Variants in RANBP2 observed in about 807,000 individuals in gnomAD.
RANBP2 encodes RAN binding protein 2, also known as E3 SUMO-protein ligase RanBP2.
RANBP2 carries 57 observed loss-of-function variants against 303.6 expected under a neutral mutation model. The ratio of observed to expected loss-of-function variants is 0.19; its 90% CI spans 0.15 to 0.23. The LOEUF is 0.23. Among genes scored for constraint, RANBP2 ranks in the 10% least tolerant of loss-of-function variants. The pLI, the probability that RANBP2 is intolerant of heterozygous loss-of-function variation, is 1.00. For missense variants in RANBP2, 3,138 were observed against 3,780.8 expected (o/e 0.83, Z 4.46); for synonymous variants, 1,167 against 1,301.5 (o/e 0.90, Z 2.23).
chr2:109,034,119 A>C, the RANBP2 span, among the ~76,000 whole-genome samples: 2 of 150,466 alleles, frequency 1.3e-5, no homozygotes, highest in Non-Finnish European at 3.0e-5. Context: ...AAATACAAAA[A>C]ATTAGCCGGG....
chr2:109,615,960 C>T, the RANBP2 span: 9 of 1,583,152 alleles, frequency 5.7e-6, no homozygotes, highest in Admixed American at 9.0e-5. Context: ...TTTCAGGGAC[C>T]CAGAGCAGCC....
the RANBP2 span, among the ~76,000 whole-genome samples, chr2:109,150,868 A>G: frequency 6.6e-6 from 1 of 152,248 alleles, no homozygotes; most frequent in Non-Finnish European, 1.5e-5. Context: ...AATGTGAAAA[A>G]AAATATGGGC....
At chr2:109,649,957 C>T in the RANBP2 span, among the ~76,000 whole-genome samples, 1 of 152,234 alleles carries the variant, frequency 6.6e-6, no homozygotes, top group African/African-American at 2.4e-5. Context: ...CCCACCCTTA[C>T]TGGCACGTTT....
the RANBP2 span, among the ~76,000 whole-genome samples, chr2:109,511,844 C>T: frequency 3.3e-5 from 5 of 152,198 alleles, no homozygotes; most frequent in Non-Finnish European, 5.9e-5. Flanking sequence ...AGGTGAGGTC[C>T]TGCATCCTGG....
At chr2:109,270,646 A>G in the RANBP2 span, among the ~76,000 whole-genome samples, 1 of 152,186 alleles carries the variant, frequency 6.6e-6, no homozygotes, top group African/African-American at 2.4e-5. Context: ...GGTGCTAAGC[A>G]GAGGTATGAC....
chr2:109,070,604 G>A, the RANBP2 span, among the ~76,000 whole-genome samples: 25 of 152,110 alleles, frequency 1.6e-4, no homozygotes, highest in Non-Finnish European at 3.1e-4. Context: ...TCACGCCTGT[G>A]ATCCCAGCAC....
the RANBP2 span, among the ~76,000 whole-genome samples, chr2:108,918,173 G>A: frequency 6.6e-6 from 1 of 152,312 alleles, no homozygotes; most frequent in Admixed American, 6.5e-5. Flanking sequence ...GGGGTCCACA[G>A]ACAAACCAGG....
At chr2:108,853,970 ATATATAATATATAATATATAATAAATT>A in the RANBP2 span, among the ~76,000 whole-genome samples, 6 of 106,712 alleles carry the variant, frequency 5.6e-5, no homozygotes, top group South Asian at 5.4e-4. Flanking sequence ...ATAATAAAAT[ATATATAATATATAATATATAATAAATT>A]TATATTATAT....
At chr2:109,339,884 C>T in the RANBP2 span, among the ~76,000 whole-genome samples, 2 of 152,140 alleles carry the variant, frequency 1.3e-5, no homozygotes, top group Admixed American at 6.5e-5. Context: ...CATAATTAAA[C>T]AGATAATTAT....
At chr2:109,002,319 C>T in the RANBP2 span, among the ~76,000 whole-genome samples, 1 of 152,210 alleles carries the variant, frequency 6.6e-6, no homozygotes, top group Non-Finnish European at 1.5e-5. Context: ...GATTCCACTT[C>T]CCAGCTTGCT....
At chr2:109,646,616 C>T in the RANBP2 span, among the ~76,000 whole-genome samples, 12 of 151,660 alleles carry the variant, frequency 7.9e-5, no homozygotes, top group East Asian at 9.7e-4. Context: ...ATCAGCCTCC[C>T]GAATAGCTGG....
At chr2:109,778,512 G>A in the RANBP2 span, among the ~76,000 whole-genome samples, 3 of 150,010 alleles carry the variant, frequency 2.0e-5, no homozygotes, top group Admixed American at 1.3e-4. Context: ...CAGAAGACCA[G>A]CTAGAAACAT....
At chr2:108,937,084 C>T in the RANBP2 span, among the ~76,000 whole-genome samples, 3 of 152,242 alleles carry the variant, frequency 2.0e-5, no homozygotes, top group African/African-American at 7.2e-5. Context: ...CAGGCACCGT[C>T]CTTCCCAAGG....
the RANBP2 span, among the ~76,000 whole-genome samples, chr2:109,408,183 G>A: frequency 2.6e-5 from 4 of 152,118 alleles, no homozygotes; most frequent in Admixed American, 6.6e-5. Flanking sequence ...AATGCCCACC[G>A]GTAGGCCCCA....
At chr2:109,659,373 C>T in the RANBP2 span, among the ~76,000 whole-genome samples, 28 of 152,242 alleles carry the variant, frequency 1.8e-4, no homozygotes, top group East Asian at 2.7e-3. Context: ...TTCATCCCCC[C>T]CAAAAACACA....
At chr2:109,301,119 A>G in the RANBP2 span, among the ~76,000 whole-genome samples, 1 of 152,224 alleles carries the variant, frequency 6.6e-6, no homozygotes, top group Non-Finnish European at 1.5e-5. Context: ...TACTGTGGGA[A>G]TAGAAGGCCA....
chr2:109,294,800 C>T, the RANBP2 span, among the ~76,000 whole-genome samples: 1,234 of 152,174 alleles, frequency 8.1e-3, 20 homozygotes, highest in African/African-American at 0.028. Flanking sequence ...GAGGAGGTAC[C>T]GACTCAGCCC....
the RANBP2 span, among the ~76,000 whole-genome samples, chr2:109,145,626 G>A: frequency 0.41 from 62,780 of 152,082 alleles, 14,732 homozygotes; most frequent in South Asian, 0.54. Flanking sequence ...ATCGCCATGC[G>A]TTTCTAGACT....
the RANBP2 span, among the ~76,000 whole-genome samples, chr2:109,578,238 A>G: frequency 1.1e-4 from 16 of 152,334 alleles, no homozygotes; most frequent in East Asian, 3.1e-3. Flanking sequence ...AATAAAGGGT[A>G]ACCATTGTCA....
Sources: gnomAD v4.1 joint callset for allele counts (sites outside exome capture counted in the v4.1 genomes callset) on GRCh38, gnomAD v4.1.1 for gene constraint, MANE v1.5 for transcripts, NCBI Gene and HGNC (gene_info 2026-07-23, HGNC 2026-07-21) for gene names.